The following SLC26A1 variants were observed in gnomAD, a reference collection of about 807,000 sequenced individuals.
The protein encoded by SLC26A1 is sulfate anion transporter 1.
Under a neutral mutation model 14.5 loss-of-function variants are expected in SLC26A1, and 18 were observed. The ratio of observed to expected loss-of-function variants is 1.24; its 90% CI spans 0.86 to 1.84. The LOEUF (loss-of-function observed/expected upper bound fraction) is 1.84, where lower values mean the gene tolerates loss of function less well. SLC26A1 is among the 40% of genes most tolerant of loss of function. The pLI is 0.00. For missense variants in SLC26A1, 1,049 were observed against 1,020.0 expected, an observed-to-expected ratio of 1.03 and a Z score of -0.39; for synonymous variants, 505 against 492.0, an observed-to-expected ratio of 1.03 and a Z score of -0.35.
At chr4:984,177 A>C (rs1368605474), downstream of SLC26A1, among the ~76,000 whole-genome samples, 3 of 152,270 alleles carry the variant, frequency 2.0e-5, no homozygotes, top group Non-Finnish European at 2.9e-5. Context: ...TTACTGAGAT[A>C]TGATTTACAT....
Position 988,689 on chromosome 4 carries a change from T to A in SLC26A1, c.*144A>T. The stretch of plus-strand genomic sequence containing the variant: ...AGAGGGCCTCCTTTCCCAGTTGGGG[T>A]TCCCCGGTTTCCCCAGGGCAGCTGT... On this transcript the variant is annotated 3_prime_UTR_variant, in exon 3 of 3. Coordinates refer to ENST00000398516, the MANE Select transcript of SLC26A1 (RefSeq NM_022042.4). 1 of 1,413,096 alleles carries A rather than the reference T, an allele frequency of 7.1e-7. No homozygotes were observed. The highest frequency in any genetic ancestry group is 9.2e-7 in the Non-Finnish European group (1 of 1,088,582). The allele number at this position is 1,413,096 out of a possible 1,614,324, so 87.5% of individuals were successfully genotyped here. A position where few individuals can be genotyped will look rare whatever the true frequency, so the allele number is the denominator to read the frequency against.
rs1204286920 is a variant in SLC26A1, at chr4:991,130, G to C, written c.574C>G (p.Gln192Glu). The change falls in exon 2 of 3, where the codon CAG (glutamine) becomes GAG (glutamate). Residue 192 changes from glutamine (Q) to glutamate (E), a missense_variant and splice_region_variant. Transcript: ENST00000398516. ...TGTGCCCAAGCAGGGCTCCTCACCT[G>C]GTAAAGCCCGGTCATCAGCGTGAGG... ...TALTLMTGLYQVLMGVLRLGF... is the reference protein window; with the variant it reads ...TALTLMTGLYEVLMGVLRLGF... 3.9e-6 allele frequency: 6 copies of C among 1,538,222 alleles called. No individual in the cohort carries two copies. The South Asian group carries it at 7.6e-5, about 19-fold the overall frequency.
At position 991,695 on chromosome 4, in the gene SLC26A1, C is replaced by G; in HGVS notation, c.9G>C (p.Glu3Asp). Residue 3 changes from glutamate (E) to aspartate (D), a missense_variant, in exon 2 of 3, where the codon GAG becomes GAC. Physicochemically the swap from Glu to Asp is conservative, Grantham distance 45 (BLOSUM62 2). Transcript: ENST00000398516. ...TGCCCTGCTGCAGAGGCTCAGGGGA[C>G]TCGTCCATCCTGTTGCGTCAGGTCC... MDESPEPLQQGRG... is the reference protein window; with the variant it reads MDDSPEPLQQGRG... The G allele has an allele frequency of 6.5e-7, 1 of 1,531,518 alleles. No individual in the cohort carries two copies. The allele number at this position is 1,531,518 out of a possible 1,614,324, so 94.9% of individuals were successfully genotyped here. A position where few individuals can be genotyped will look rare whatever the true frequency, so the allele number is the denominator to read the frequency against.
At chr4:987,004 G>T, downstream of SLC26A1, 1 of 1,319,696 alleles carries the variant, frequency 7.6e-7, no homozygotes, top group Non-Finnish European at 1.0e-6. Flanking sequence ...GCGGTCACAT[G>T]GGGTGCGCGC....
Position 990,080 on chromosome 4 carries a change from G to C in SLC26A1, c.859C>G (p.Arg287Gly). The change falls in exon 3 of 3, where the codon CGC becomes GGC. Residue 287 changes from arginine (R) to glycine (G), a missense_variant. Coordinates refer to ENST00000398516, the MANE Select transcript of SLC26A1 (RefSeq NM_022042.4). The stretch of plus-strand genomic sequence containing the variant: ...TCCGTGGGCAGCGGCACCCTCAGGC[G>C]GTGTCGGTAGCGGTCTGAGAGCTCC... Reference protein sequence around the residue: ...AKELSDRYRHRLRVPLPTELL... With the variant: ...AKELSDRYRHGLRVPLPTELL... 2 of 1,599,820 alleles carry C rather than the reference G, an allele frequency of 1.3e-6. No individual in the cohort carries two copies. The highest frequency in any genetic ancestry group is 1.7e-6 in the Non-Finnish European group (2 of 1,175,304).
chr4:992,185 C>A (rs537563723), intron 1 of SLC26A1: 3 of 461,634 alleles, frequency 6.5e-6, no homozygotes, highest in South Asian at 4.6e-5. Context: ...CAGGTGCAGG[C>A]AAGCCTGAGT....
downstream of SLC26A1, among the ~76,000 whole-genome samples, chr4:986,288 A>G (rs1713723831): frequency 6.6e-6 from 1 of 152,160 alleles, no homozygotes; most frequent in Non-Finnish European, 1.5e-5. Context: ...TGGACTACAC[A>G]TGTACTACAG....
chr4:992,150 G>T, intron 1 of SLC26A1: 1 of 471,778 alleles, frequency 2.1e-6, no homozygotes, highest in Non-Finnish European at 4.2e-6. Flanking sequence ...TGTGCCTACC[G>T]TCAGAATGTC....
rs768588786 is a variant in SLC26A1, at chr4:991,651, C to G, written c.53G>C (p.Arg18Pro). ...LQQGRGPVPV[R>P]RQRPAPRGLR... ...ACCCCGGGGTGCTGGGCGCTGCCGT[C>G]GGACCGGCACCGGCCCTCTGCCCTG... Residue 18 changes from arginine to proline, a missense_variant, in exon 2 of 3, where the codon CGA (arginine) becomes CCA (proline). Transcript: ENST00000398516. 1 of 1,549,616 alleles carries G rather than the reference C, an allele frequency of 6.5e-7. No homozygotes were observed. Among genetic ancestry groups the G allele is most frequent in the Non-Finnish European group, 8.7e-7 (1 of 1,154,664 alleles).
chr4:989,988 C>T lies in SLC26A1; in HGVS notation c.951G>A (p.Ser317=), dbSNP rs753977507. The change falls in exon 3 of 3, where the codon TCG becomes TCA. Residue 317 remains serine, a synonymous_variant. Coordinates refer to ENST00000398516, the MANE Select transcript of SLC26A1 (RefSeq NM_022042.4). The part of the protein sequence containing the change: ...HFGQLHKRFG[S]SVAGDIPTGF... The stretch of plus-strand genomic sequence containing the variant: ...CCGTGGGGATGTCGCCAGCCACGCT[C>T]GAGCCAAAGCGCTTGTGGAGCTGCC... 35 of 1,561,456 alleles carry T rather than the reference C, an allele frequency of 2.2e-5. No individual in the cohort carries two copies. Among genetic ancestry groups the T allele is most frequent in the Middle Eastern group, 1.7e-4 (1 of 6,018 alleles).
chr4:989,891 G>A lies in SLC26A1; in HGVS notation c.1048C>T (p.Leu350Phe). ...GAGATGGAGAAGGCGGCAGCCACGAGGGCCAGGGCCACGGCATCCAAAGCC... is the reference window on the plus strand; with the variant it reads ...GAGATGGAGAAGGCGGCAGCCACGAAGGCCAGGGCCACGGCATCCAAAGCC... ...RVALDAVALA[L>F]VAAAFSISLA... The change falls in exon 3 of 3, where the codon CTC becomes TTC. Residue 350 changes from leucine (L) to phenylalanine (F), a missense_variant. Leu to Phe is a conservative substitution (Grantham distance 22). Coordinates refer to ENST00000398516, the MANE Select transcript of SLC26A1 (RefSeq NM_022042.4). 1 of 1,568,084 alleles carries A rather than the reference G, an allele frequency of 6.4e-7. No homozygotes were observed. The highest frequency in any genetic ancestry group is 8.6e-7 in the Non-Finnish European group (1 of 1,157,390).
In SLC26A1 at chr4:987,689, TGA is replaced by T; in HGVS notation, c.*1142_*1143del. 6.6e-7 allele frequency: 1 copy of T among 1,524,550 alleles called. No individual in the cohort carries two copies. Among genetic ancestry groups the T allele is most frequent in the Non-Finnish European group, 8.8e-7 (1 of 1,134,094 alleles). 94.4% of individuals were successfully genotyped at this position (1,524,550 alleles called of 1,614,324 possible). ...CCCTAAGGGTCATTTTATTAGTCACTGAACGCACGGGCAGCGCCTGGATCCTG... is the reference window on the plus strand; with the variant it reads ...CCCTAAGGGTCATTTTATTAGTCACTACGCACGGGCAGCGCCTGGATCCTG... On this transcript the variant is annotated 3_prime_UTR_variant, in exon 3 of 3. Coordinates refer to ENST00000398516, the MANE Select transcript of SLC26A1 (RefSeq NM_022042.4).
downstream of SLC26A1, among the ~76,000 whole-genome samples, chr4:985,199 G>T (rs558714188): frequency 1.3e-4 from 20 of 152,372 alleles, no homozygotes; most frequent in South Asian, 3.9e-3. Flanking sequence ...CCTGAGCCTC[G>T]ACTTCTGTCC....
chr4:980,507 A>ACC (rs1160766441), intron 2 of SLC26A1, among the ~76,000 whole-genome samples: 1 of 148,478 alleles, frequency 6.7e-6, no homozygotes, highest in Non-Finnish European at 1.5e-5. Flanking sequence ...AATCGCTTGA[A>ACC]CCCGGGAGGT....
chr4:979,558 C>T, intron 2 of SLC26A1: 1 of 1,602,432 alleles, frequency 6.2e-7, no homozygotes, highest in African/African-American at 1.3e-5. Context: ...CCGCTGACGT[C>T]TCCACAGCCA....
intron 2 of SLC26A1, 152 bp downstream of exon 2, chr4:990,976 C>T (rs914332361): frequency 3.3e-5 from 26 of 799,634 alleles, no homozygotes; most frequent in Middle Eastern, 7.6e-4. Flanking sequence ...TGGGATGCCC[C>T]GGCACGCCCC....
rs2153015687 is a variant in SLC26A1 at position 987,917 on chromosome 4, G to A, written c.*916C>T. 1.1e-5 allele frequency: 18 copies of A among 1,601,300 alleles called. No individual in the cohort carries two copies. The highest frequency in any genetic ancestry group is 1.5e-5 in the Non-Finnish European group (18 of 1,174,594). Reference sequence around the variant, plus strand: ...CTCACCGCGGCATCAAGCAGGTCCGGACCCACTGGCTGCTGGAGCTTGTCA... The same window carrying A: ...CTCACCGCGGCATCAAGCAGGTCCGAACCCACTGGCTGCTGGAGCTTGTCA... On this transcript the variant is annotated 3_prime_UTR_variant, in exon 3 of 3. Coordinates refer to ENST00000398516, the MANE Select transcript of SLC26A1 (RefSeq NM_022042.4).
At chr4:990,538 C>T (rs537966569) in intron 2 of SLC26A1, 176 bp from the exon 3 acceptor site, 72 of 635,530 alleles carry the variant, frequency 1.1e-4, no homozygotes, top group East Asian at 8.0e-4. Flanking sequence ...TGGTTCCACG[C>T]GTGCTCATGC....
At position 989,989 on chromosome 4, in the gene SLC26A1, G is replaced by A. The variant is rs757248400; in HGVS notation, c.950C>T (p.Ser317Leu). The part of the protein sequence containing the change: ...HFGQLHKRFG[S>L]SVAGDIPTGF... ...CGTGGGGATGTCGCCAGCCACGCTC[G>A]AGCCAAAGCGCTTGTGGAGCTGCCC... The change falls in exon 3 of 3, where the codon TCG (serine) becomes TTG (leucine). Residue 317 changes from serine to leucine, a missense_variant. Physicochemically the swap from Ser to Leu is moderately radical, Grantham distance 145. Coordinates refer to ENST00000398516, the MANE Select transcript of SLC26A1 (RefSeq NM_022042.4). 16 of 1,562,710 alleles carry A rather than the reference G, an allele frequency of 1.0e-5. No homozygotes were observed. The highest frequency in any genetic ancestry group is 3.8e-5 in the Admixed American group (2 of 52,920).
Sources: gnomAD v4.1 joint callset for allele counts (sites outside exome capture counted in the v4.1 genomes callset) on GRCh38, gnomAD v4.1.1 for gene constraint, MANE v1.5 for transcripts, NCBI Gene and HGNC (gene_info 2026-07-23, HGNC 2026-07-21) for gene names.